Variants in SOX5 observed in about 807,000 individuals in gnomAD.
SOX5 encodes the protein SRY-box transcription factor 5.
A neutral mutation model predicts 92.0 loss-of-function variants in SOX5; 9 were observed. The observed-to-expected ratio is 0.10, with a 90% CI of 0.06 to 0.17. The LOEUF is 0.17. SOX5 is among the 10% of genes least tolerant of loss of function. The probability of loss-of-function intolerance (pLI) is 1.00; values close to 1 mark genes in which losing one functional copy is unlikely to be tolerated. For synonymous variants in SOX5, 344 were observed against 336.3 expected, an observed-to-expected ratio of 1.02 and a Z score of -0.25; for missense variants, 642 against 944.5, an observed-to-expected ratio of 0.68 and a Z score of 4.20.
intron 2 of SOX5, among the ~76,000 whole-genome samples, chr12:24,317,872 A>G (rs1415774760): frequency 2.0e-5 from 3 of 152,168 alleles, no homozygotes; most frequent in Non-Finnish European, 4.4e-5. Flanking sequence ...AAAAGAAGAG[A>G]TCCCTCCAAT....
intron 4 of SOX5, among the ~76,000 whole-genome samples, chr12:24,173,577 A>G (rs977507670): frequency 1.3e-5 from 2 of 152,242 alleles, no homozygotes; most frequent in African/African-American, 4.8e-5. Context: ...AGGAGTATTC[A>G]TATAGCAACA....
chr12:24,166,914 T>C (rs985419575), intron 4 of SOX5, among the ~76,000 whole-genome samples: 4 of 152,192 alleles, frequency 2.6e-5, no homozygotes, highest in African/African-American at 7.2e-5. Flanking sequence ...GGAACTGGAA[T>C]GATTCAGTGC....
Position 23,563,277 on chromosome 12 carries a change from T to C in SOX5, c.1469A>G (p.Asn490Ser). ...KVAVVNSLGL[N>S]NCRTEKEKTT... The stretch of plus-strand genomic sequence containing the variant: ...ACTGACCTTTTCTGTTCGGCAGTTA[T>C]TGAGACCCAGACTATTCACAACAGC... The change falls in exon 11 of 15, where the codon AAT becomes AGT. Residue 490 changes from asparagine to serine, a missense_variant. Physicochemically the swap from Asn to Ser is conservative, Grantham distance 46. This residue lies in a region of SOX5 where 324 missense variants were observed against 461.6 expected (regional missense o/e 0.70). Coordinates refer to ENST00000451604, the MANE Select transcript of SOX5 (RefSeq NM_006940.6). 1 of 1,613,184 alleles carries C rather than the reference T, an allele frequency of 6.2e-7. No individual in the cohort carries two copies. Among genetic ancestry groups the C allele is most frequent in the South Asian group, 1.1e-5 (1 of 90,912 alleles).
At chr12:23,591,420 T>C (rs1362832882) in intron 9 of SOX5, among the ~76,000 whole-genome samples, 2 of 152,154 alleles carry the variant, frequency 1.3e-5, no homozygotes, top group Non-Finnish European at 2.9e-5. Flanking sequence ...TCCTATAGAA[T>C]TGATATCTTC....
chr12:23,588,962 A>G (rs1951136828), intron 9 of SOX5, among the ~76,000 whole-genome samples: 1 of 152,008 alleles, frequency 6.6e-6, no homozygotes, highest in Non-Finnish European at 1.5e-5. Flanking sequence ...GCAGCCTAGA[A>G]GTAATAGGCT....
At chr12:23,928,913 C>A (rs910884482) in intron 1 of SOX5, among the ~76,000 whole-genome samples, 1 of 151,770 alleles carries the variant, frequency 6.6e-6, no homozygotes, top group Non-Finnish European at 1.5e-5. Flanking sequence ...TATGTTTAAA[C>A]TGTCAATTCA....
rs1952703679 is a variant in SOX5, at chr12:24,547,177, CA to C, written c.-251+15151del. Among the ~76,000 whole-genome samples, 20 of 138,370 alleles carry C rather than the reference CA, an allele frequency of 1.4e-4. No individual in the cohort carries two copies. In the South Asian group the frequency reaches 3.9e-3, roughly 27 times the overall value. 90.8% of individuals were successfully genotyped at this position (138,370 alleles called of 152,430 possible). ...TAGTGAGAAGTCAACTGATATCTAA[CA>C]TTTTTTTTTTTTTTTTTTTTTTTTG... On this transcript the variant is annotated intron_variant, in intron 1 of 4. Transcript: ENST00000446891.
chr12:24,019,061 C>T (rs142807934), intron 4 of SOX5, among the ~76,000 whole-genome samples: 35 of 152,268 alleles, frequency 2.3e-4, no homozygotes, highest in African/African-American at 7.7e-4. Context: ...ACAGCCTCAA[C>T]CTTCTGAGCA....
chr12:24,194,792 TATGTCAA>T (rs1956856568), intron 4 of SOX5, among the ~76,000 whole-genome samples: 1 of 152,120 alleles, frequency 6.6e-6, no homozygotes, highest in Admixed American at 6.5e-5. Flanking sequence ...AATCATTTAA[TATGTCAA>T]AAAAAGACTT....
chr12:23,747,418 T>C (rs1406791765), intron 4 of SOX5, among the ~76,000 whole-genome samples: 1 of 152,142 alleles, frequency 6.6e-6, no homozygotes, highest in Non-Finnish European at 1.5e-5. Flanking sequence ...TATAAAACTG[T>C]TTCAAAGCTT....
At chr12:23,912,868 T>C (rs2097366981) in intron 1 of SOX5, among the ~76,000 whole-genome samples, 1 of 152,198 alleles carries the variant, frequency 6.6e-6, no homozygotes, top group South Asian at 2.1e-4. Flanking sequence ...CGACTGCTAA[T>C]AGTCACAAGA....
At position 24,335,972 on chromosome 12, in the gene SOX5, CAT is replaced by C. The variant is rs57461232; in HGVS notation, c.-174+32589_-174+32590del. On this transcript the variant is annotated intron_variant, in intron 2 of 4. Transcript: ENST00000446891. ...CCTGGGTCCAGGCTAGAAATGCTAT[CAT>C]ATATATATATATATCCATAATATTA... is the stretch of plus-strand genomic sequence containing the variant. Among the ~76,000 whole-genome samples the C allele has an allele frequency of 2.4e-3, 138 of 58,588 alleles. 18 individuals carry two copies. The highest frequency in any genetic ancestry group is 3.3e-3 in the Non-Finnish European group (108 of 32,682). The allele number at this position is 58,588 out of a possible 152,430, so 38.4% of individuals were successfully genotyped here.
chr12:23,996,461 C>T lies in SOX5; in HGVS notation c.-1-100437G>A, dbSNP rs1316763359. Among the ~76,000 whole-genome samples, 10 of 152,220 alleles carry T rather than the reference C, an allele frequency of 6.6e-5. No homozygotes were observed. The South Asian group carries it at 1.9e-3, about 28-fold the overall frequency. The stretch of plus-strand genomic sequence containing the variant: ...CCTCAGAAAGTTAAACATAGAGTTA[C>T]TCAGCAATCCTGCTGAAAAGAAGTA... On this transcript the variant is annotated intron_variant, in intron 4 of 4. Transcript: ENST00000446891.
intron 4 of SOX5, among the ~76,000 whole-genome samples, chr12:24,090,336 C>T (rs1427572302): frequency 6.6e-6 from 1 of 152,084 alleles, no homozygotes. Context: ...GAAGCATAAA[C>T]TCACATTCAC....
At chr12:23,993,821 C>A (rs1475789472) in intron 4 of SOX5, among the ~76,000 whole-genome samples, 1 of 151,938 alleles carries the variant, frequency 6.6e-6, no homozygotes, top group African/African-American at 2.4e-5. Flanking sequence ...TCCAGGAATA[C>A]TGAGACCAGC....
At chr12:24,243,042 A>T (rs1038651923) in intron 3 of SOX5, among the ~76,000 whole-genome samples, 23 of 152,188 alleles carry the variant, frequency 1.5e-4, no homozygotes, top group Non-Finnish European at 1.9e-4. Flanking sequence ...ATATTAAACA[A>T]ACTGTTAAAG....
At chr12:24,238,955 C>T (rs557793138) in intron 3 of SOX5, among the ~76,000 whole-genome samples, 19 of 152,258 alleles carry the variant, frequency 1.2e-4, no homozygotes, top group African/African-American at 2.4e-4. Flanking sequence ...TGTTCATTAC[C>T]GGGTAGGCCA....
chr12:24,100,628 C>T (rs532125735), intron 4 of SOX5, among the ~76,000 whole-genome samples: 45 of 152,064 alleles, frequency 3.0e-4, no homozygotes, highest in Non-Finnish European at 1.6e-4. Context: ...TTCTGATGAA[C>T]AAATTTATGT....
At chr12:24,172,568 A>G (rs1165135138) in intron 4 of SOX5, among the ~76,000 whole-genome samples, 2 of 152,206 alleles carry the variant, frequency 1.3e-5, no homozygotes, top group East Asian at 1.9e-4. Flanking sequence ...GAAAGATAAG[A>G]GAAAGAAAAA....
Sources: allele counts gnomAD v4.1 joint callset (sites outside exome capture counted in the v4.1 genomes callset), GRCh38; gene constraint gnomAD v4.1.1; regional missense constraint gnomAD v4.1.1; transcripts MANE v1.5; gene names NCBI Gene and HGNC (gene_info 2026-07-23, HGNC 2026-07-21).